Variants in PARM1 observed in about 807,000 individuals in gnomAD.
PARM1 encodes WSC4, cell wall integrity and stress response component 4 homolog.
PARM1 carries 14 observed loss-of-function variants against 24.6 expected under a neutral mutation model. The observed-to-expected ratio is 0.57, with a 90% CI of 0.38 to 0.89. The LOEUF is 0.89. Ranked by LOEUF, PARM1 falls within the 40% of genes least tolerant of loss-of-function variation. The pLI, the probability that PARM1 is intolerant of heterozygous loss-of-function variation, is 0.00. For missense variants in PARM1, 362 were observed against 380.4 expected, an observed-to-expected ratio of 0.95 and a Z score of 0.40; for synonymous variants, 179 against 156.6, an observed-to-expected ratio of 1.14 and a Z score of -1.07.
chr4:74,958,867 G>C (rs17000031), intron 1 of PARM1, among the ~76,000 whole-genome samples: 4,376 of 152,242 alleles, frequency 0.029, 205 homozygotes, highest in African/African-American at 0.099. Context: ...CCAATTCTTT[G>C]TAGTATTTTT....
chr4:74,972,887 C>G (rs7689123), intron 1 of PARM1, among the ~76,000 whole-genome samples: 4,176 of 152,254 alleles, frequency 0.027, 85 homozygotes, highest in South Asian at 0.076. Flanking sequence ...TTGAGGACAT[C>G]TGCAAGCTGA....
chr4:75,034,167 C>G (rs1326415093), intron 3 of PARM1, among the ~76,000 whole-genome samples: 1 of 152,092 alleles, frequency 6.6e-6, no homozygotes. Flanking sequence ...GTAGAAGAAG[C>G]AAGCTGAGAT....
chr4:74,952,504 G>A (rs2109985290), intron 1 of PARM1, among the ~76,000 whole-genome samples: 1 of 152,270 alleles, frequency 6.6e-6, no homozygotes, highest in Middle Eastern at 3.4e-3. Context: ...TAGCCATGAA[G>A]TCTTTGCCCA....
intron 1 of PARM1, among the ~76,000 whole-genome samples, chr4:74,964,671 C>T (rs150134667): frequency 1.0e-3 from 156 of 152,180 alleles, no homozygotes; most frequent in African/African-American, 3.6e-3. Context: ...TCTATCTCCT[C>T]CTTAGACTAT....
chr4:75,010,327 G>A (rs1480978832), intron 1 of PARM1, among the ~76,000 whole-genome samples: 3 of 152,228 alleles, frequency 2.0e-5, no homozygotes, highest in African/African-American at 4.8e-5. Context: ...ACAGTAGAGT[G>A]TAGAATGGTT....
intron 3 of PARM1, among the ~76,000 whole-genome samples, chr4:75,038,002 C>T (rs1723405239): frequency 6.6e-6 from 1 of 152,036 alleles, no homozygotes; most frequent in South Asian, 2.1e-4. Flanking sequence ...CTGCAACCTC[C>T]ACCTCCCGGG....
At chr4:75,043,592 A>C (rs1485726035) in intron 3 of PARM1, among the ~76,000 whole-genome samples, 1 of 152,244 alleles carries the variant, frequency 6.6e-6, no homozygotes, top group African/African-American at 2.4e-5. Context: ...CTATCAATAA[A>C]GGAGCATGTT....
rs978573129 is a variant in PARM1 at position 75,047,256 on chromosome 4, T to A, written c.*1009T>A. 6 of 152,186 alleles carry A rather than the reference T, an allele frequency of 3.9e-5. No homozygotes were observed. The highest frequency in any genetic ancestry group is 1.4e-4 in the African/African-American group (6 of 41,448). 9.4% of individuals were successfully genotyped at this position (152,186 alleles called of 1,614,324 possible). A position where few individuals can be genotyped will look rare whatever the true frequency, so the allele number is the denominator to read the frequency against. On this transcript the variant is annotated 3_prime_UTR_variant, in exon 4 of 4. Coordinates refer to ENST00000307428, the MANE Select transcript of PARM1 (RefSeq NM_015393.4). ...GTCCACTGCTTTACTGTCTGTTGGA[T>A]AATGGCTGTAAAATGTTTAAAAACA...
At chr4:75,003,130 GC>G (rs1722711985) in intron 1 of PARM1, among the ~76,000 whole-genome samples, 1 of 152,080 alleles carries the variant, frequency 6.6e-6, no homozygotes, top group Non-Finnish European at 1.5e-5. Context: ...GAAGCTGCTT[GC>G]CCTCCTGCAT....
chr4:74,966,500 G>C (rs1025596598), intron 1 of PARM1, among the ~76,000 whole-genome samples: 1 of 152,086 alleles, frequency 6.6e-6, no homozygotes, highest in African/African-American at 2.4e-5. Flanking sequence ...AAAAGTGTGT[G>C]GTCAGGAACT....
At chr4:75,007,092 G>A (rs1722787445) in intron 1 of PARM1, among the ~76,000 whole-genome samples, 2 of 152,286 alleles carry the variant, frequency 1.3e-5, no homozygotes, top group South Asian at 2.1e-4. Context: ...CTCAAAAGAA[G>A]ACATTTATGC....
chr4:74,985,220 A>G (rs1339448141), intron 1 of PARM1, among the ~76,000 whole-genome samples: 1 of 152,198 alleles, frequency 6.6e-6, no homozygotes, highest in Non-Finnish European at 1.5e-5. Flanking sequence ...CAAGCCCTCC[A>G]TACCTTTTAC....
At chr4:74,937,611 T>C (rs1182255526) in intron 1 of PARM1, among the ~76,000 whole-genome samples, 2 of 152,246 alleles carry the variant, frequency 1.3e-5, no homozygotes, top group African/African-American at 4.8e-5. Flanking sequence ...TACCTGAATA[T>C]ACCTATAGGT....
chr4:74,969,260 A>G (rs1440114171), intron 1 of PARM1, among the ~76,000 whole-genome samples: 1 of 152,168 alleles, frequency 6.6e-6, no homozygotes, highest in East Asian at 1.9e-4. Context: ...GCGGCTGTCT[A>G]AGGCCCTTTT....
intron 1 of PARM1, among the ~76,000 whole-genome samples, chr4:74,945,263 C>G (rs1398182205): frequency 6.6e-6 from 1 of 152,148 alleles, no homozygotes; most frequent in Non-Finnish European, 1.5e-5. Context: ...TACTTTCTCT[C>G]CCTCTCTCTT....
chr4:75,040,561 G>A (rs911657835), intron 3 of PARM1, among the ~76,000 whole-genome samples: 5 of 152,270 alleles, frequency 3.3e-5, no homozygotes, highest in African/African-American at 1.2e-4. Flanking sequence ...CTAACTTGCT[G>A]TCGTAACTTT....
At chr4:75,007,168 C>A (rs1341296283) in intron 1 of PARM1, among the ~76,000 whole-genome samples, 1 of 152,184 alleles carries the variant, frequency 6.6e-6, no homozygotes, top group Non-Finnish European at 1.5e-5. Context: ...AACAAAACCA[C>A]AATGAGATAC....
intron 1 of PARM1, among the ~76,000 whole-genome samples, chr4:75,005,083 T>C (rs548967985): frequency 6.6e-6 from 1 of 152,282 alleles, no homozygotes; most frequent in Admixed American, 6.5e-5. Context: ...AGTACACTTG[T>C]TAATATATGT....
intron 1 of PARM1, among the ~76,000 whole-genome samples, chr4:74,948,631 C>A (rs1465780574): frequency 1.3e-5 from 2 of 152,044 alleles, no homozygotes; most frequent in Non-Finnish European, 2.9e-5. Flanking sequence ...ATGCACTGGA[C>A]ACCAAAAAGA....
Sources: allele counts gnomAD v4.1 joint callset (sites outside exome capture counted in the v4.1 genomes callset), GRCh38; gene constraint gnomAD v4.1.1; transcripts MANE v1.5; gene names NCBI Gene and HGNC (gene_info 2026-07-23, HGNC 2026-07-21).